OTUD5: variants seen among roughly 807,000 people sequenced by gnomAD.
OTUD5 encodes OTU domain-containing protein 5.
In OTUD5, 2 loss-of-function variants were observed where a neutral mutation model predicts 36.3. The observed-to-expected ratio is 0.06, with a 90% CI of 0.02 to 0.17. The LOEUF is 0.17. OTUD5 is among the 10% of genes least tolerant of loss of function. The probability of loss-of-function intolerance (pLI) is 1.00; values close to 1 mark genes in which losing one functional copy is unlikely to be tolerated. For missense variants in OTUD5, 233 were observed against 512.3 expected, an observed-to-expected ratio of 0.45 and a Z score of 5.26; for synonymous variants, 234 against 214.9, an observed-to-expected ratio of 1.09 and a Z score of -0.78.
chrX:48,938,163 G>C (rs184706861), intron 2 of OTUD5, among the ~76,000 whole-genome samples: 6 of 111,725 alleles, frequency 5.4e-5, no homozygotes, highest in Non-Finnish European at 1.9e-5. Context: ...GCACTGATAG[G>C]TGATATGGTA....
At chrX:48,934,635 A>G in intron 4 of OTUD5, 23 bp from the exon 5 acceptor site, 1 of 1,208,848 alleles carries the variant, frequency 8.3e-7, no homozygotes, top group Non-Finnish European at 1.1e-6. Flanking sequence ...AGAAGGAGGG[A>G]GCATCCACAG....
upstream of OTUD5, chrX:48,957,783 C>G: frequency 1.3e-6 from 1 of 788,026 alleles, no homozygotes; most frequent in Non-Finnish European, 1.5e-6. Context: ...GAGAGGAGAA[C>G]CCGGATGTAA....
At chrX:48,935,399 T>G (rs1322773192) in intron 2 of OTUD5, among the ~76,000 whole-genome samples, 3 of 110,989 alleles carry the variant, frequency 2.7e-5, no homozygotes, top group Non-Finnish European at 3.8e-5. Flanking sequence ...CAGGGGGAGT[T>G]TGTGGTTTGT....
intron 1 of OTUD5, among the ~76,000 whole-genome samples, chrX:48,954,443 T>C (rs1251477148): frequency 1.8e-5 from 2 of 111,472 alleles, no homozygotes; most frequent in Non-Finnish European, 3.8e-5. Flanking sequence ...AGGATGTTTT[T>C]CCTCTGTCCC....
At chrX:48,943,865 T>C (rs2147631916) in intron 2 of OTUD5, among the ~76,000 whole-genome samples, 1 of 111,617 alleles carries the variant, frequency 9.0e-6, no homozygotes, top group South Asian at 3.8e-4. Context: ...ACTTTTCTCA[T>C]CTGACAAATG....
intron 1 of OTUD5, among the ~76,000 whole-genome samples, chrX:48,955,446 C>T (rs908022173): frequency 5.4e-5 from 6 of 111,523 alleles, no homozygotes; most frequent in Admixed American, 2.8e-4. Flanking sequence ...TCCTGTTTCT[C>T]AGGTGTACAT....
Position 48,957,208 on chromosome X carries a change from C to G in OTUD5, c.363G>C (p.Ala121=). ...CCACGCCCGCGGCACCCACACCCGC[C>G]GCCGCTGCGCCCAGCGCGTCGCCGG... The part of the protein sequence containing the change: ...GGPGDALGAA[A]AGVGAAGVVV... Residue 121 remains alanine (A), a synonymous_variant, in exon 1 of 9, where the codon GCG becomes GCC. Transcript: ENST00000376488. 7.3e-6 allele frequency: 8 copies of G among 1,100,635 alleles called. No individual in the cohort carries two copies. Among genetic ancestry groups the G allele is most frequent in the Non-Finnish European group, 9.4e-6 (8 of 851,245 alleles). The allele number at this position is 1,100,635 out of a possible 1,213,427, so 90.7% of individuals were successfully genotyped here. A position where few individuals can be genotyped will look rare whatever the true frequency, so the allele number is the denominator to read the frequency against.
At chrX:48,927,218 C>T (rs1384181535) in intron 5 of OTUD5, among the ~76,000 whole-genome samples, 2 of 111,532 alleles carry the variant, frequency 1.8e-5, no homozygotes, top group Non-Finnish European at 3.8e-5. Context: ...AGTGTTTTTT[C>T]TACTCTCACT....
intron 6 of OTUD5, 132 bp from the exon 7 acceptor site, chrX:48,924,184 C>T (rs1275220211): frequency 1.7e-6 from 1 of 578,255 alleles, no homozygotes; most frequent in African/African-American, 2.3e-5. Context: ...ACATCATCCC[C>T]ACTCACACGG....
At chrX:48,957,791 T>C, upstream of OTUD5, 1 of 784,277 alleles carries the variant, frequency 1.3e-6, no homozygotes, top group Non-Finnish European at 1.5e-6. Context: ...AACCCGGATG[T>C]AAAGTCCAAG....
At chrX:48,956,888 G>C (rs2064253629) in intron 1 of OTUD5, 89 bp downstream of exon 1, 1 of 957,806 alleles carries the variant, frequency 1.0e-6, no homozygotes. Context: ...GATCCCTTGG[G>C]GCGATCTCAA....
chrX:48,929,652 T>C (rs907771093), intron 5 of OTUD5, among the ~76,000 whole-genome samples: 3 of 106,963 alleles, frequency 2.8e-5, no homozygotes, highest in Admixed American at 1.0e-4. Flanking sequence ...ACCCAGGAGG[T>C]AGAGGCTGCG....
intron 1 of OTUD5, among the ~76,000 whole-genome samples, chrX:48,954,960 G>C (rs1428785859): frequency 8.9e-6 from 1 of 111,826 alleles, no homozygotes; most frequent in Non-Finnish European, 1.9e-5. Context: ...AGAGCATCCA[G>C]GTCCTTCTGT....
At chrX:48,945,517 A>C (rs112276391) in intron 1 of OTUD5, among the ~76,000 whole-genome samples, 2 of 108,086 alleles carry the variant, frequency 1.9e-5, no homozygotes, top group Non-Finnish European at 3.8e-5. Context: ...TGATCCACCC[A>C]CCTCGGCCTC....
At position 48,922,998 on chromosome X, in the gene OTUD5, C is replaced by T. The variant is rs2063604763; in HGVS notation, c.*176G>A. 2 of 1,088,048 alleles carry T rather than the reference C, an allele frequency of 1.8e-6. No individual in the cohort carries two copies. Among genetic ancestry groups the T allele is most frequent in the Non-Finnish European group, 2.4e-6 (2 of 838,175 alleles). The allele number at this position is 1,088,048 out of a possible 1,213,427, so 89.7% of individuals were successfully genotyped here. On this transcript the variant is annotated 3_prime_UTR_variant, in exon 9 of 9. Transcript: ENST00000376488. The stretch of plus-strand genomic sequence containing the variant: ...GCAGAGAGACAGGTGATAGTGGCAG[C>T]GGCAATGAGAGAGAGTGCAGGGGTG...
intron 5 of OTUD5, among the ~76,000 whole-genome samples, chrX:48,930,020 T>C (rs1214821005): frequency 9.2e-6 from 1 of 108,632 alleles, no homozygotes; most frequent in African/African-American, 3.4e-5. Flanking sequence ...AGGAGAATGG[T>C]GTGAACCTGG....
intron 1 of OTUD5, among the ~76,000 whole-genome samples, chrX:48,945,592 T>G (rs1287392914): frequency 1.8e-5 from 2 of 110,659 alleles, no homozygotes; most frequent in Admixed American, 1.9e-4. Flanking sequence ...TCTAATTCAT[T>G]TGGCATCATA....
intron 2 of OTUD5, among the ~76,000 whole-genome samples, chrX:48,935,433 G>T (rs2147590717): frequency 9.0e-6 from 1 of 111,169 alleles, no homozygotes; most frequent in East Asian, 2.8e-4. Context: ...GAGTCAGTCT[G>T]TGACAGAGTC....
At chrX:48,950,296 TAC>T (rs1447110885) in intron 1 of OTUD5, among the ~76,000 whole-genome samples, 2 of 110,704 alleles carry the variant, frequency 1.8e-5, no homozygotes, top group African/African-American at 6.6e-5. Context: ...GGAAATTTGA[TAC>T]AGACAGAAAA....
Sources: allele counts gnomAD v4.1 joint callset (sites outside exome capture counted in the v4.1 genomes callset), GRCh38; gene constraint gnomAD v4.1.1; transcripts MANE v1.5; gene names NCBI Gene and HGNC (gene_info 2026-07-23, HGNC 2026-07-21).